Variants in HEXA observed in about 807,000 individuals in gnomAD.
HEXA encodes beta-hexosaminidase subunit alpha.
A neutral mutation model predicts 73.3 loss-of-function variants in HEXA; 54 were observed. The observed-to-expected ratio is 0.74, with a 90% CI of 0.59 to 0.92. The LOEUF (loss-of-function observed/expected upper bound fraction) is 0.92. HEXA is among the 40% of genes least tolerant of loss of function. The pLI, the probability that HEXA is intolerant of heterozygous loss-of-function variation, is 0.00. For synonymous variants in HEXA, 230 were observed against 246.9 expected, an observed-to-expected ratio of 0.93 and a Z score of 0.64; for missense variants, 649 against 653.0, an observed-to-expected ratio of 0.99 and a Z score of 0.07.
In HEXA at chr15:72,348,093, C is replaced by A. The variant is rs191330716; in HGVS notation, c.1028G>T (p.Gly343Val). ...CAGCTGCTTGAAGTCCTCACCGAAGCCTTTCTTCCTCATAAAGTCCTGGAT... is the reference window on the plus strand; with the variant it reads ...CAGCTGCTTGAAGTCCTCACCGAAGACTTTCTTCCTCATAAAGTCCTGGAT... ...PEIQDFMRKK[G>V]FGEDFKQLES... The change falls in exon 9 of 14, where the codon GGC becomes GTC. Residue 343 changes from glycine to valine, a missense_variant. Coordinates refer to ENST00000268097, the MANE Select transcript of HEXA (RefSeq NM_000520.6). 8.2e-5 allele frequency: 132 copies of A among 1,613,822 alleles called. 3 individuals are homozygous for A. In the Admixed American group the frequency reaches 1.7e-3, roughly 20 times the overall value.
chr15:72,366,538 T>C (rs765715922), intron 1 of HEXA, among the ~76,000 whole-genome samples: 4 of 152,104 alleles, frequency 2.6e-5, no homozygotes, highest in Non-Finnish European at 5.9e-5. Context: ...CTCGAACTCC[T>C]GACCTCAAGT....
chr15:72,353,679 G>T lies in HEXA; in HGVS notation c.459+12C>A. 1 of 1,605,652 alleles carries T rather than the reference G, an allele frequency of 6.2e-7. No individual in the cohort carries two copies. The highest frequency in any genetic ancestry group is 1.3e-5 in the African/African-American group (1 of 74,844). The stretch of plus-strand genomic sequence containing the variant: ...GATGAAAAAGGAGCCCTTTTTGAGG[G>T]TCCACACTTACTGTGCCCTCAGCAG... On this transcript the variant is annotated intron_variant, in intron 4 of 13. Coordinates refer to ENST00000268097, the MANE Select transcript of HEXA (RefSeq NM_000520.6).
intron 11 of HEXA, 74 bp from the exon 12 acceptor site, chr15:72,346,399 T>C: frequency 6.8e-7 from 1 of 1,481,046 alleles, no homozygotes; most frequent in Non-Finnish European, 9.4e-7. Context: ...ACCTTCCCAA[T>C]GTGGCCCTCA....
rs2088550357 is a variant in HEXA, at chr15:72,340,994, A to C, written c.*3083T>G. The C allele has an allele frequency of 6.6e-6, 1 of 152,010 alleles. No individual in the cohort carries two copies. Among genetic ancestry groups the C allele is most frequent in the Non-Finnish European group, 1.5e-5 (1 of 67,988 alleles). 9.4% of individuals were successfully genotyped at this position (152,010 alleles called of 1,614,324 possible). A position where few individuals can be genotyped will look rare whatever the true frequency, so the allele number is the denominator to read the frequency against. The stretch of plus-strand genomic sequence containing the variant: ...ACAAATTTTGATAAACAAAGCACCC[A>C]ATTCCTACTTATTTTTTTTCTTCGT... On this transcript the variant is annotated 3_prime_UTR_variant, in exon 14 of 14. Transcript: ENST00000268097.
chr15:72,355,712 TA>T (rs202176666), intron 2 of HEXA, 88 bp from the exon 3 acceptor site: 39,721 of 629,410 alleles, frequency 0.063, 2 homozygotes, highest in East Asian at 0.076. Flanking sequence ...ATCACTGGAC[TA>T]AAAAAAAAAA....
chr15:72,346,166 G>C (rs2088609618), intron 12 of HEXA, 69 bp downstream of exon 12: 2 of 1,123,326 alleles, frequency 1.8e-6, no homozygotes, highest in African/African-American at 1.5e-5. Flanking sequence ...GGCTAGATGG[G>C]ATTGGGTCTC....
chr15:72,343,917 T>C lies in HEXA; in HGVS notation c.*160A>G. Reference sequence around the variant, plus strand: ...TAGAAAAATGCCACATTACTCTTTATTGAATGCGAGCGCCAGCACCGGCCC... The same window carrying C: ...TAGAAAAATGCCACATTACTCTTTACTGAATGCGAGCGCCAGCACCGGCCC... On this transcript the variant is annotated 3_prime_UTR_variant, in exon 14 of 14. Transcript: ENST00000268097. 1 of 647,594 alleles carries C rather than the reference T, an allele frequency of 1.5e-6. No individual in the cohort carries two copies. Among genetic ancestry groups the C allele is most frequent in the Non-Finnish European group, 2.8e-6 (1 of 358,170 alleles). 40.1% of individuals were successfully genotyped at this position (647,594 alleles called of 1,614,324 possible).
At chr15:72,346,922 C>CCCGT in intron 10 of HEXA, 1 of 585,814 alleles carries the variant, frequency 1.7e-6, no homozygotes, top group South Asian at 1.8e-5. Flanking sequence ...AGCTCTCCTC[C>CCCGT]CCGTCCCTCT....
chr15:72,349,303 AC>A (rs1567297586), intron 7 of HEXA, 44 bp from the exon 8 acceptor site: 1 of 1,448,650 alleles, frequency 6.9e-7, no homozygotes, highest in African/African-American at 1.4e-5. Context: ...AAATACATAA[AC>A]CCCCACGCAC....
intron 7 of HEXA, chr15:72,350,293 A>T: frequency 1.8e-6 from 1 of 565,988 alleles, no homozygotes; most frequent in South Asian, 1.9e-5. Flanking sequence ...CATCTGAGAA[A>T]AATGTGCCCT....
chr15:72,364,565 A>G (rs1387202734), intron 1 of HEXA, among the ~76,000 whole-genome samples: 3 of 152,192 alleles, frequency 2.0e-5, no homozygotes, highest in African/African-American at 7.2e-5. Context: ...ATTGTGAAAG[A>G]TATCTGTAGG....
At chr15:72,346,468 C>A in intron 11 of HEXA, 59 bp downstream of exon 11, 2 of 1,570,912 alleles carry the variant, frequency 1.3e-6, no homozygotes, top group Non-Finnish European at 1.8e-6. Flanking sequence ...CTTCCTGCCT[C>A]CCATCCTGTG....
At chr15:72,357,011 A>G (rs2088793843) in intron 1 of HEXA, 1 of 346,454 alleles carries the variant, frequency 2.9e-6, no homozygotes, top group African/African-American at 2.1e-5. Context: ...AAACTGTGTT[A>G]CTGGCTGGTC....
In HEXA at chr15:72,346,689, G is replaced by A. The variant is rs988192535; in HGVS notation, c.1168C>T (p.Gln390Ter). 6.2e-7 allele frequency: 1 copy of A among 1,614,114 alleles called. No individual in the cohort carries two copies. The highest frequency in any genetic ancestry group is 2.2e-5 in the East Asian group (1 of 44,886). ...KVKIQPDTIIQVWREDIPVNY... is the reference protein window; with the variant it reads ...KVKIQPDTII ...ACTGGAATATCCTCTCGCCACACCT[G>A]TATGATTGTGTCTGGCTGAATCTGT... Residue 390 changes from glutamine to a stop codon, truncating the protein, a stop_gained, in exon 11 of 14, where the codon CAG becomes TAG. Coordinates refer to ENST00000268097, the MANE Select transcript of HEXA (RefSeq NM_000520.6). LOFTEE classifies it high-confidence loss of function.
At chr15:72,362,864 T>C (rs1337644242) in intron 1 of HEXA, among the ~76,000 whole-genome samples, 1 of 152,164 alleles carries the variant, frequency 6.6e-6, no homozygotes, top group Non-Finnish European at 1.5e-5. Flanking sequence ...CGTATCAATG[T>C]GTTTGATTCA....
chr15:72,369,015 T>G lies in HEXA; in HGVS notation c.253+6705A>C, dbSNP rs1841719057. On this transcript the variant is annotated intron_variant, in intron 1 of 13. Transcript: ENST00000268097. ...CAAACACCCATACGTCCTGTATTTT[T>G]GAGTATACGCTTCCACAGAAAGGAG... Among the ~76,000 whole-genome samples, 3 of 152,342 alleles carry G rather than the reference T, an allele frequency of 2.0e-5. No homozygotes were observed. In the South Asian group the frequency reaches 6.2e-4, roughly 32 times the overall value.
chr15:72,348,372 C>T (rs1340090610), intron 8 of HEXA, among the ~76,000 whole-genome samples: 1 of 152,164 alleles, frequency 6.6e-6, no homozygotes, highest in Non-Finnish European at 1.5e-5. Flanking sequence ...AGTTCAAACT[C>T]CCAAAGAGAA....
At position 72,351,204 on chromosome 15, in the gene HEXA, A is replaced by G. The variant is rs770313582; in HGVS notation, c.601T>C (p.Phe201Leu). 1 of 1,612,468 alleles carries G rather than the reference A, an allele frequency of 6.2e-7. No individual in the cohort carries two copies. Among genetic ancestry groups the G allele is most frequent in the Non-Finnish European group, 8.5e-7 (1 of 1,178,476 alleles). The change falls in exon 6 of 14, where the codon TTC becomes CTC. Residue 201 changes from phenylalanine to leucine, a missense_variant. Phe to Leu is a conservative substitution (Grantham distance 22). Transcript: ENST00000268097. ...DVMAYNKLNV[F>L]HWHLVDDPSF... ...GGATCATCTACCAGATGCCAGTGGA[A>G]CACGTTCAATTTATTGTACGCCATG...
chr15:72,347,857 T>G, intron 9 of HEXA, 99 bp from the exon 10 acceptor site: 2 of 1,161,974 alleles, frequency 1.7e-6, no homozygotes, highest in Admixed American at 3.6e-5. Context: ...GCCAGGGGCC[T>G]ATTCCTCATT....
Sources: gnomAD v4.1 joint callset for allele counts (sites outside exome capture counted in the v4.1 genomes callset) on GRCh38, gnomAD v4.1.1 for gene constraint, MANE v1.5 for transcripts, NCBI Gene and HGNC (gene_info 2026-07-23, HGNC 2026-07-21) for gene names.